Variants in ZNF536 observed in about 807,000 individuals in gnomAD.
ZNF536 encodes the protein zinc finger protein 536.
ZNF536 carries 13 observed loss-of-function variants against 84.5 expected under a neutral mutation model. That is an observed-to-expected ratio of 0.15 (90% CI 0.10 to 0.24). ZNF536 has a LOEUF of 0.24. Ranked by LOEUF, ZNF536 falls within the 10% of genes least tolerant of loss-of-function variation. The probability of loss-of-function intolerance (pLI) is 1.00; values close to 1 mark genes in which losing one functional copy is unlikely to be tolerated. For synonymous variants in ZNF536, 811 were observed against 742.5 expected (o/e 1.09, Z -1.50); for missense variants, 1,536 against 1,747.5 (o/e 0.88, Z 2.16).
At chr19:30,394,677 G>A (rs1328961863) in intron 1 of ZNF536, among the ~76,000 whole-genome samples, 1 of 152,102 alleles carries the variant, frequency 6.6e-6, no homozygotes, top group East Asian at 1.9e-4. Context: ...GTACAGTCTG[G>A]AAATTACACA....
chr19:30,346,677 G>A (rs967115547), intron 2 of ZNF536, among the ~76,000 whole-genome samples: 1 of 152,174 alleles, frequency 6.6e-6, no homozygotes, highest in African/African-American at 2.4e-5. Context: ...ACATGATCTT[G>A]TTCTTTTTTA....
chr19:30,484,837 T>G (rs2054237505), intron 2 of ZNF536, among the ~76,000 whole-genome samples: 1 of 152,000 alleles, frequency 6.6e-6, no homozygotes, highest in African/African-American at 2.4e-5. Context: ...CTATAAGCTT[T>G]GTAGAGTAGA....
At chr19:30,695,575 G>C (rs1220159032) in intron 1 of ZNF536, among the ~76,000 whole-genome samples, 2 of 152,128 alleles carry the variant, frequency 1.3e-5, no homozygotes, top group African/African-American at 4.8e-5. Context: ...ATTTCTGGTA[G>C]GAACGACAGT....
rs569241620 is a variant in ZNF536 at position 30,476,813 on chromosome 19, C to G, written c.2170+31081C>G. Among the ~76,000 whole-genome samples, 4 of 152,312 alleles carry G rather than the reference C, an allele frequency of 2.6e-5. No individual in the cohort carries two copies. In the South Asian group the frequency reaches 8.3e-4, roughly 32 times the overall value. On this transcript the variant is annotated intron_variant, in intron 2 of 4. Coordinates refer to ENST00000355537, the MANE Select transcript of ZNF536 (RefSeq NM_014717.3). ...CTCCCCATGTGATTTGCGAACTTCT[C>G]CGGTCTCACTGGGCCTGCCTGCCTC...
At chr19:30,689,690 C>A (rs2051332511) in intron 1 of ZNF536, among the ~76,000 whole-genome samples, 1 of 152,166 alleles carries the variant, frequency 6.6e-6, no homozygotes, top group African/African-American at 2.4e-5. Flanking sequence ...CATCTGGGGG[C>A]AAATGCCTTC....
chr19:30,533,184 C>G (rs2044923480), intron 2 of ZNF536, among the ~76,000 whole-genome samples: 1 of 152,088 alleles, frequency 6.6e-6, no homozygotes, highest in African/African-American at 2.4e-5. Flanking sequence ...TGCTCCAAGC[C>G]AAGAGTTTCC....
At chr19:30,533,898 T>C (rs774725067) in intron 2 of ZNF536, among the ~76,000 whole-genome samples, 2 of 152,192 alleles carry the variant, frequency 1.3e-5, no homozygotes, top group Non-Finnish European at 2.9e-5. Flanking sequence ...TTCTCTTGCT[T>C]CTCCTCCTCG....
At chr19:30,499,986 A>G (rs2054884488) in intron 2 of ZNF536, among the ~76,000 whole-genome samples, 1 of 152,330 alleles carries the variant, frequency 6.6e-6, no homozygotes, top group Middle Eastern at 3.4e-3. Context: ...AGGGACTTTT[A>G]GGATCCAAAG....
At chr19:30,329,649 C>A (rs149454283) in intron 2 of ZNF536, among the ~76,000 whole-genome samples, 1 of 152,158 alleles carries the variant, frequency 6.6e-6, no homozygotes, top group East Asian at 1.9e-4. Context: ...AAAGCCCAGG[C>A]GTGATACAGA....
At chr19:30,616,243 A>G (rs776105259) in intron 1 of ZNF536, among the ~76,000 whole-genome samples, 1 of 152,220 alleles carries the variant, frequency 6.6e-6, no homozygotes, top group Non-Finnish European at 1.5e-5. Context: ...GGAAGTGGAC[A>G]TCCTGTCCCT....
At chr19:30,357,065 AG>A (rs2048119514) in intron 3 of ZNF536, among the ~76,000 whole-genome samples, 2 of 152,248 alleles carry the variant, frequency 1.3e-5, no homozygotes, top group African/African-American at 4.8e-5. Context: ...ATGGGCGTTG[AG>A]GGTGGGGAGC....
rs117436612 is a variant in ZNF536 at position 30,376,348 on chromosome 19, G to T, written c.-3+3792G>T. 9.5e-4 allele frequency among the ~76,000 whole-genome samples: 145 copies of T among 152,226 alleles called. 1 individual carries two copies. In the East Asian group the frequency reaches 0.023, roughly 24 times the overall value. ...TTGTCGGCTGGCCCTGTTCCACCCC[G>T]CAGAGGGCGATGGTGTCTCTGACCT... is the stretch of plus-strand genomic sequence containing the variant. On this transcript the variant is annotated intron_variant, in intron 1 of 4. Transcript: ENST00000355537.
In ZNF536 at chr19:30,386,128, C is replaced by T. The variant is rs568503277; in HGVS notation, c.-3+13572C>T. On this transcript the variant is annotated intron_variant, in intron 1 of 4. Coordinates refer to ENST00000355537, the MANE Select transcript of ZNF536 (RefSeq NM_014717.3). ...TCATCTCAGGCAACATCCTCCCATC[C>T]CTCAGCCCTTTGCCTACGCTGTCTT... is the stretch of plus-strand genomic sequence containing the variant. Among the ~76,000 whole-genome samples the T allele has an allele frequency of 4.5e-4, 69 of 152,320 alleles. 3 individuals carry two copies. The South Asian group carries it at 0.012, about 27-fold the overall frequency.
chr19:30,287,515 T>C (rs2045677079), intron 2 of ZNF536, among the ~76,000 whole-genome samples: 1 of 150,130 alleles, frequency 6.7e-6, no homozygotes, highest in Non-Finnish European at 1.5e-5. Flanking sequence ...GGTGGGTGGA[T>C]GGATAGATGG....
chr19:30,246,525 G>A (rs1352377978), intron 1 of ZNF536, among the ~76,000 whole-genome samples: 1 of 152,140 alleles, frequency 6.6e-6, no homozygotes, highest in Non-Finnish European at 1.5e-5. Context: ...GAGCAGAATT[G>A]TTCTTTTTCT....
chr19:30,522,791 A>G (rs1269573694), intron 2 of ZNF536, among the ~76,000 whole-genome samples: 1 of 152,178 alleles, frequency 6.6e-6, no homozygotes, highest in African/African-American at 2.4e-5. Flanking sequence ...GGGGCTTTCA[A>G]TTATCTTAAG....
chr19:30,360,643 G>T (rs1282108561), intron 3 of ZNF536, among the ~76,000 whole-genome samples: 1 of 152,188 alleles, frequency 6.6e-6, no homozygotes, highest in African/African-American at 2.4e-5. Context: ...GTCAGAAAGA[G>T]CCTGGCCTTG....
chr19:30,667,712 G>A (rs2050387873), intron 1 of ZNF536, among the ~76,000 whole-genome samples: 1 of 146,244 alleles, frequency 6.8e-6, no homozygotes, highest in Non-Finnish European at 1.5e-5. Flanking sequence ...TGCTCTGGAA[G>A]CCCAGAGCAT....
intron 1 of ZNF536, among the ~76,000 whole-genome samples, chr19:30,260,595 A>G (rs75882602): frequency 0.021 from 3,204 of 152,334 alleles, 89 homozygotes; most frequent in African/African-American, 0.073. Flanking sequence ...TGGTGAGTTC[A>G]GGATGGAGTC....
Sources: allele counts gnomAD v4.1 joint callset (sites outside exome capture counted in the v4.1 genomes callset), GRCh38; gene constraint gnomAD v4.1.1; transcripts MANE v1.5; gene names NCBI Gene and HGNC (gene_info 2026-07-23, HGNC 2026-07-21).